CYFIP2: variants seen among roughly 807,000 people sequenced by gnomAD.
CYFIP2 encodes the protein cytoplasmic FMR1-interacting protein 2.
In CYFIP2, 29 loss-of-function variants were observed where a neutral mutation model predicts 158.7. That is an observed-to-expected ratio of 0.18 (90% confidence interval 0.14 to 0.25). CYFIP2 has a LOEUF of 0.25. Ranked by LOEUF, CYFIP2 falls within the 10% of genes least tolerant of loss-of-function variation. The pLI is 1.00. For missense variants in CYFIP2, 852 were observed against 1,639.5 expected (o/e 0.52, Z 8.29); for synonymous variants, 585 against 617.6 (o/e 0.95, Z 0.78).
At position 157,311,847 on chromosome 5, in the gene CYFIP2, A is replaced by C. The variant is rs1759755963; in HGVS notation, c.1110+66A>C. ...GGGCCAGAAGGGGTAAGGAGCAGCCAGGAAAGAACATGGACCCACGGAACA... is the reference window on the plus strand; with the variant it reads ...GGGCCAGAAGGGGTAAGGAGCAGCCCGGAAAGAACATGGACCCACGGAACA... On this transcript the variant is annotated intron_variant, in intron 11 of 30. Transcript: ENST00000620254. This position sits in a 1 kb window ranked among gnomAD's most constrained non-coding sequence, Gnocchi z 4.7. The C allele has an allele frequency of 1.7e-5, 24 of 1,426,774 alleles. No homozygotes were observed. The highest frequency in any genetic ancestry group is 1.7e-4 in the Middle Eastern group (1 of 5,730). 88.4% of individuals were successfully genotyped at this position (1,426,774 alleles called of 1,614,324 possible).
chr5:157,282,688 C>T (rs892271459), intron 1 of CYFIP2, among the ~76,000 whole-genome samples: 11 of 152,326 alleles, frequency 7.2e-5, no homozygotes, highest in Middle Eastern at 3.4e-3. Context: ...TTTCCTCCTA[C>T]GGGAGTTGTG....
Position 157,395,516 on chromosome 5 carries a change from T to G in CYFIP2, c.*2516T>G. 2 of 711,858 alleles carry G rather than the reference T, an allele frequency of 2.8e-6. No individual in the cohort carries two copies. Among genetic ancestry groups the G allele is most frequent in the Non-Finnish European group, 4.3e-6 (2 of 468,238 alleles). The allele number at this position is 711,858 out of a possible 1,614,324, so 44.1% of individuals were successfully genotyped here. A position where few individuals can be genotyped will look rare whatever the true frequency, so the allele number is the denominator to read the frequency against. On this transcript the variant is annotated 3_prime_UTR_variant, in exon 31 of 31. Coordinates refer to ENST00000620254, the MANE Select transcript of CYFIP2 (RefSeq NM_001037333.3). ...TATGCAGCTGAAGATGATATTTTGA[T>G]TTGTATTTTGGGGGTACCTGTGTTG...
intron 21 of CYFIP2, among the ~76,000 whole-genome samples, 172 bp from the exon 22 acceptor site, chr5:157,338,885 C>G (rs1174313818): frequency 6.6e-6 from 1 of 152,230 alleles, no homozygotes; most frequent in East Asian, 1.9e-4. Flanking sequence ...CCTTCCACTT[C>G]TCAGAAGGGA....
intron 1 of CYFIP2, among the ~76,000 whole-genome samples, chr5:157,274,537 T>C (rs536825619): frequency 4.5e-4 from 68 of 152,364 alleles, no homozygotes; most frequent in African/African-American, 1.6e-3. Flanking sequence ...TGAACATCCA[T>C]GTACAAGTTT....
At chr5:157,328,187 G>A (rs531016549) in intron 19 of CYFIP2, 138 bp downstream of exon 19, 2 of 773,336 alleles carry the variant, frequency 2.6e-6, no homozygotes, top group African/African-American at 1.8e-5. Flanking sequence ...ACTGGGTGCT[G>A]AGATAGAGTG....
chr5:157,284,840 A>G (rs1393853123), intron 1 of CYFIP2, among the ~76,000 whole-genome samples: 1 of 152,208 alleles, frequency 6.6e-6, no homozygotes, highest in Non-Finnish European at 1.5e-5. Context: ...TAATTAGCCT[A>G]AAAACCCGGG....
At chr5:157,390,712 G>A in intron 30 of CYFIP2, 44 bp downstream of exon 30, 1 of 1,560,934 alleles carries the variant, frequency 6.4e-7, no homozygotes, top group Non-Finnish European at 8.7e-7. Context: ...GGGCTGGGCT[G>A]ACAACCAGGC....
intron 11 of CYFIP2, among the ~76,000 whole-genome samples, chr5:157,314,086 G>T (rs2067479012): frequency 6.6e-6 from 1 of 151,950 alleles, no homozygotes; most frequent in Admixed American, 6.6e-5. Flanking sequence ...AAAACATATT[G>T]GTGCATACAT....
At chr5:157,307,008 C>T (rs1161891449) in intron 8 of CYFIP2, among the ~76,000 whole-genome samples, 1 of 152,064 alleles carries the variant, frequency 6.6e-6, no homozygotes, top group African/African-American at 2.4e-5. Flanking sequence ...GTGACTTTCT[C>T]ATGGTCACAC....
intron 26 of CYFIP2, among the ~76,000 whole-genome samples, chr5:157,380,396 A>G (rs1765932393): frequency 6.6e-6 from 1 of 152,266 alleles, no homozygotes; most frequent in Non-Finnish European, 1.5e-5. Context: ...TCATTCCCCA[A>G]GTTAGTCCGG....
chr5:157,334,758 T>C (rs2113202728), intron 21 of CYFIP2, among the ~76,000 whole-genome samples: 1 of 152,228 alleles, frequency 6.6e-6, no homozygotes, highest in Middle Eastern at 3.4e-3. Flanking sequence ...TGAAAACTGT[T>C]ACAAATTAGG....
rs1047532158 is a variant in CYFIP2, at chr5:157,360,270, T to C, written c.2818-12T>C. 4 of 1,612,000 alleles carry C rather than the reference T, an allele frequency of 2.5e-6. No homozygotes were observed. The highest frequency in any genetic ancestry group is 2.5e-6 in the Non-Finnish European group (3 of 1,178,562). On this transcript the variant is annotated splice_polypyrimidine_tract_variant and intron_variant, in intron 24 of 30. Coordinates refer to ENST00000620254, the MANE Select transcript of CYFIP2 (RefSeq NM_001037333.3). ...GAATTCAGCCCACTCATCTGTACTC[T>C]TCTTTTGTCAGCTCCAAGGAACCAT...
At chr5:157,312,280 A>C (rs1428721450) in intron 11 of CYFIP2, among the ~76,000 whole-genome samples, 7 of 152,154 alleles carry the variant, frequency 4.6e-5, no homozygotes, top group Non-Finnish European at 7.4e-5. Flanking sequence ...AAAAATCTCC[A>C]CTAATCCCAA....
intron 23 of CYFIP2, among the ~76,000 whole-genome samples, chr5:157,357,106 G>C (rs62390103): frequency 0.11 from 17,026 of 152,140 alleles, 1,416 homozygotes; most frequent in East Asian, 0.26. Flanking sequence ...TCACGTTCCA[G>C]GCCTCCCAAT....
intron 20 of CYFIP2, 114 bp from the exon 21 acceptor site, chr5:157,333,213 C>A: frequency 7.3e-7 from 1 of 1,366,322 alleles, no homozygotes; most frequent in Non-Finnish European, 1.0e-6. Flanking sequence ...ACCCCTCCCA[C>A]CTGGCAGTCT....
intron 26 of CYFIP2, among the ~76,000 whole-genome samples, chr5:157,365,943 C>G (rs1043821835): frequency 6.6e-6 from 1 of 151,848 alleles, no homozygotes; most frequent in African/African-American, 2.4e-5. Flanking sequence ...TAGTTTGGTA[C>G]TATTATGAAT....
chr5:157,359,660 G>T (rs1460046657), intron 24 of CYFIP2, among the ~76,000 whole-genome samples: 2 of 152,158 alleles, frequency 1.3e-5, no homozygotes, highest in African/African-American at 4.8e-5. Flanking sequence ...TTCTGAATCT[G>T]CCCCAAATAT....
intron 2 of CYFIP2, among the ~76,000 whole-genome samples, chr5:157,285,978 G>A (rs901133957): frequency 5.9e-5 from 9 of 152,196 alleles, no homozygotes; most frequent in South Asian, 2.1e-4. Context: ...TATCAGGGCC[G>A]GGAGTCGGTA....
intron 3 of CYFIP2, chr5:157,288,643 G>T (rs11747736): frequency 3.5e-5 from 16 of 455,604 alleles, no homozygotes; most frequent in Non-Finnish European, 5.7e-5. Flanking sequence ...ATTTGCTCCT[G>T]ACATCAACCC....
Sources: gnomAD v4.1 joint callset for allele counts (sites outside exome capture counted in the v4.1 genomes callset) on GRCh38, gnomAD v4.1.1 for gene constraint, Gnocchi (gnomAD v3.1) non-coding constraint, MANE v1.5 for transcripts, NCBI Gene and HGNC (gene_info 2026-07-23, HGNC 2026-07-21) for gene names.